SGCZ: variants seen among roughly 807,000 people sequenced by gnomAD.
SGCZ encodes sarcoglycan zeta, also known as zeta-sarcoglycan.
Under a neutral mutation model 41.3 loss-of-function variants are expected in SGCZ, and 40 were observed. The ratio of observed to expected loss-of-function variants is 0.97; its 90% CI spans 0.75 to 1.26. The LOEUF (loss-of-function observed/expected upper bound fraction) is 1.26, where lower values mean the gene tolerates loss of function less well. SGCZ is among the 50% of genes most tolerant of loss of function. The pLI, the probability that SGCZ is intolerant of heterozygous loss-of-function variation, is 0.00. For missense variants in SGCZ, 552 were observed against 369.8 expected (o/e 1.49, Z -4.04); for synonymous variants, 206 against 137.5 (o/e 1.50, Z -3.49).
chr8:15,178,874 T>C (rs1800075880), intron 1 of SGCZ, among the ~76,000 whole-genome samples: 1 of 152,218 alleles, frequency 6.6e-6, no homozygotes, highest in Non-Finnish European at 1.5e-5. Context: ...GAAAACTCTA[T>C]GTCCAATAAA....
intron 1 of SGCZ, among the ~76,000 whole-genome samples, chr8:15,049,555 A>T (rs1804439948): frequency 6.6e-6 from 1 of 152,188 alleles, no homozygotes; most frequent in Admixed American, 6.5e-5. Context: ...GATTTAGAGA[A>T]GGCCAGGAGT....
At chr8:14,461,705 A>G (rs1344271336) in intron 2 of SGCZ, among the ~76,000 whole-genome samples, 2 of 152,256 alleles carry the variant, frequency 1.3e-5, no homozygotes, top group East Asian at 3.9e-4. Flanking sequence ...AAGATATTCA[A>G]CGCAAAGTCC....
intron 4 of SGCZ, among the ~76,000 whole-genome samples, chr8:14,206,998 C>G (rs527450290): frequency 6.6e-6 from 1 of 152,090 alleles, no homozygotes; most frequent in Admixed American, 6.6e-5. Flanking sequence ...TCACTGACAT[C>G]TTATTTTCTG....
At chr8:14,747,768 A>T (rs1799381701) in intron 1 of SGCZ, among the ~76,000 whole-genome samples, 1 of 148,878 alleles carries the variant, frequency 6.7e-6, no homozygotes, top group African/African-American at 2.5e-5. Flanking sequence ...GCTGGAGTGC[A>T]GTGGTGCCAT....
intron 1 of SGCZ, among the ~76,000 whole-genome samples, chr8:15,176,306 A>C (rs529873444): frequency 1.3e-5 from 2 of 152,134 alleles, no homozygotes; most frequent in African/African-American, 4.8e-5. Context: ...ATAGGATTTT[A>C]TTATATTTCT....
chr8:14,946,054 A>ATATATATATG (rs1554526190), intron 1 of SGCZ, among the ~76,000 whole-genome samples: 8 of 90,988 alleles, frequency 8.8e-5, no homozygotes, highest in African/African-American at 3.4e-4. Context: ...ATATATATAT[A>ATATATATATG]TGAATCATTC....
intron 2 of SGCZ, among the ~76,000 whole-genome samples, chr8:14,342,710 T>G (rs1479676158): frequency 6.6e-6 from 1 of 152,162 alleles, no homozygotes; most frequent in African/African-American, 2.4e-5. Flanking sequence ...GCATAAAGGC[T>G]TGGAAATTAT....
At chr8:14,883,823 C>T (rs559745005) in intron 1 of SGCZ, among the ~76,000 whole-genome samples, 58 of 110,190 alleles carry the variant, frequency 5.3e-4, no homozygotes, top group Non-Finnish European at 7.2e-4. Flanking sequence ...TTCTATTTTG[C>T]TGTTGTTGTT....
intron 2 of SGCZ, among the ~76,000 whole-genome samples, chr8:14,351,687 C>T (rs1803101056): frequency 6.6e-6 from 1 of 151,804 alleles, no homozygotes; most frequent in Non-Finnish European, 1.5e-5. Context: ...TTTTAGATTA[C>T]TTTTACATAA....
intron 1 of SGCZ, among the ~76,000 whole-genome samples, chr8:14,911,123 C>A (rs1215009572): frequency 6.6e-6 from 1 of 152,054 alleles, no homozygotes; most frequent in East Asian, 1.9e-4. Context: ...TCCTCTGACA[C>A]ATCTCAGGTT....
rs982044557 is a variant in SGCZ, at chr8:15,213,006, T to C, written c.39+24579A>G. Among the ~76,000 whole-genome samples the C allele has an allele frequency of 2.0e-5, 3 of 152,072 alleles. No individual in the cohort carries two copies. In the South Asian group the frequency reaches 6.2e-4, roughly 31 times the overall value. On this transcript the variant is annotated intron_variant, in intron 1 of 7. Transcript: ENST00000382080. ...CATCATAAAACAAAATTCTAATGAA[T>C]GAAAAGTGATAAAATTAACAATTTA...
intron 1 of SGCZ, among the ~76,000 whole-genome samples, chr8:15,099,501 T>A (rs1451786310): frequency 1.3e-5 from 2 of 152,174 alleles, no homozygotes; most frequent in Non-Finnish European, 2.9e-5. Flanking sequence ...CAAGGGCCAG[T>A]AGTTTCACTG....
chr8:14,691,614 A>G (rs1001803887), intron 1 of SGCZ, among the ~76,000 whole-genome samples: 1 of 152,020 alleles, frequency 6.6e-6, no homozygotes, highest in African/African-American at 2.4e-5. Flanking sequence ...GAATAATGTC[A>G]CCTAAAAAAA....
chr8:14,683,480 A>C (rs1430015286), intron 1 of SGCZ, among the ~76,000 whole-genome samples: 2 of 152,160 alleles, frequency 1.3e-5, no homozygotes, highest in Non-Finnish European at 2.9e-5. Context: ...GAAAAAATAC[A>C]TATGAACTCT....
chr8:14,225,284 T>C (rs1000894022), intron 4 of SGCZ, among the ~76,000 whole-genome samples: 3 of 152,076 alleles, frequency 2.0e-5, no homozygotes, highest in African/African-American at 7.2e-5. Flanking sequence ...CTATTCTAAA[T>C]GATCTGCTGT....
chr8:14,698,326 TCAGATTGCTGGA>T (rs1809031424), intron 1 of SGCZ, among the ~76,000 whole-genome samples: 2 of 151,934 alleles, frequency 1.3e-5, no homozygotes. Flanking sequence ...AATATATATT[TCAGATTGCTGGA>T]CAATGATTTT....
chr8:14,970,995 T>A (rs931223821), intron 1 of SGCZ, among the ~76,000 whole-genome samples: 1 of 152,230 alleles, frequency 6.6e-6, no homozygotes, highest in Non-Finnish European at 1.5e-5. Context: ...TCAGCTTTAT[T>A]CACATCTTCT....
chr8:14,214,706 A>T (rs904780340), intron 4 of SGCZ, among the ~76,000 whole-genome samples: 31 of 152,096 alleles, frequency 2.0e-4, no homozygotes, highest in African/African-American at 7.5e-4. Context: ...AATTTTTTTA[A>T]AAAAAGCAGG....
intron 1 of SGCZ, among the ~76,000 whole-genome samples, chr8:15,125,619 T>C (rs1297916152): frequency 6.6e-6 from 1 of 152,162 alleles, no homozygotes; most frequent in Non-Finnish European, 1.5e-5. Context: ...TATACCCCAA[T>C]ATACTCTGGA....
Sources: gnomAD v4.1 joint callset for allele counts (sites outside exome capture counted in the v4.1 genomes callset) on GRCh38, gnomAD v4.1.1 for gene constraint, MANE v1.5 for transcripts, NCBI Gene and HGNC (gene_info 2026-07-23, HGNC 2026-07-21) for gene names.